Variants in AFF1 observed in about 807,000 individuals in gnomAD.
The protein encoded by AFF1 is ALF transcription elongation factor 1.
In AFF1, 48 loss-of-function variants were observed where a neutral mutation model predicts 121.7. The observed-to-expected ratio is 0.39, with a 90% CI of 0.31 to 0.50. The LOEUF (loss-of-function observed/expected upper bound fraction) is 0.50. Ranked by LOEUF, AFF1 falls within the 20% of genes least tolerant of loss-of-function variation. AFF1 has a pLI of 0.76. For synonymous variants in AFF1, 613 were observed against 563.0 expected (o/e 1.09, Z -1.26); for missense variants, 1,523 against 1,511.7 (o/e 1.01, Z -0.12).
At chr4:87,007,536 T>C (rs2149529923) in intron 2 of AFF1, 1 of 1,403,724 alleles carries the variant, frequency 7.1e-7, no homozygotes, top group East Asian at 2.3e-5. Context: ...AGCTTTGTCA[T>C]TGCCTTCTCA....
At chr4:86,989,142 CTA>C (rs1724512342) in intron 2 of AFF1, among the ~76,000 whole-genome samples, 1 of 152,138 alleles carries the variant, frequency 6.6e-6, no homozygotes, top group African/African-American at 2.4e-5. Flanking sequence ...GACTTCATGA[CTA>C]AAACAACAAA....
chr4:87,074,693 A>C (rs2149685055), intron 4 of AFF1, among the ~76,000 whole-genome samples: 1 of 152,366 alleles, frequency 6.6e-6, no homozygotes, highest in South Asian at 2.1e-4. Context: ...TAAAACATCA[A>C]CACTGAATTG....
chr4:87,028,171 C>A (rs1728716516), intron 2 of AFF1, among the ~76,000 whole-genome samples: 1 of 152,136 alleles, frequency 6.6e-6, no homozygotes, highest in African/African-American at 2.4e-5. Context: ...ATTTTACTTG[C>A]ATTACCATAT....
intron 4 of AFF1, among the ~76,000 whole-genome samples, chr4:87,058,980 C>G (rs1301426294): frequency 6.6e-6 from 1 of 152,178 alleles, no homozygotes; most frequent in African/African-American, 2.4e-5. Context: ...ACCTTAAACA[C>G]TCTCCTCCCC....
chr4:86,955,372 T>TG (rs1218228295), intron 2 of AFF1, among the ~76,000 whole-genome samples: 1 of 152,258 alleles, frequency 6.6e-6, no homozygotes, highest in East Asian at 1.9e-4. Flanking sequence ...GCTTCATCTT[T>TG]GAATAGTGCT....
intron 2 of AFF1, among the ~76,000 whole-genome samples, chr4:87,003,789 A>C (rs1440815913): frequency 6.6e-6 from 1 of 152,228 alleles, no homozygotes; most frequent in Non-Finnish European, 1.5e-5. Context: ...CCACCAAAAA[A>C]TTATTGAGAG....
chr4:86,955,145 T>C (rs1441011324), intron 2 of AFF1, among the ~76,000 whole-genome samples: 7 of 152,194 alleles, frequency 4.6e-5, no homozygotes, highest in Non-Finnish European at 1.0e-4. Flanking sequence ...TTATGATTAT[T>C]TGTGCCCTTG....
At chr4:86,999,442 C>T (rs1022455387) in intron 2 of AFF1, among the ~76,000 whole-genome samples, 2 of 152,190 alleles carry the variant, frequency 1.3e-5, no homozygotes, top group African/African-American at 4.8e-5. Flanking sequence ...AGATATCTCT[C>T]AGCATCTGTT....
At chr4:87,123,006 G>A (rs1473259303) in intron 12 of AFF1, among the ~76,000 whole-genome samples, 1 of 151,516 alleles carries the variant, frequency 6.6e-6, no homozygotes, top group Non-Finnish European at 1.5e-5. Flanking sequence ...GTGATTCTTG[G>A]CCTCAGCTTC....
intron 2 of AFF1, among the ~76,000 whole-genome samples, chr4:86,981,015 T>G (rs1004260985): frequency 6.8e-6 from 1 of 147,758 alleles, no homozygotes; most frequent in Non-Finnish European, 1.5e-5. Context: ...TTTTGTTTGT[T>G]TGTTTGTTTT....
chr4:87,038,944 G>T (rs995773563), intron 2 of AFF1, among the ~76,000 whole-genome samples: 1 of 152,186 alleles, frequency 6.6e-6, no homozygotes, highest in Non-Finnish European at 1.5e-5. Context: ...CCAGTCAAGG[G>T]TGATAAATGG....
At chr4:86,957,769 T>C (rs1578846435) in intron 2 of AFF1, among the ~76,000 whole-genome samples, 1 of 152,248 alleles carries the variant, frequency 6.6e-6, no homozygotes, top group African/African-American at 2.4e-5. Flanking sequence ...CTCAAACTCC[T>C]GACCTCAGGT....
At chr4:87,125,787 T>C (rs1205408761) in intron 13 of AFF1, among the ~76,000 whole-genome samples, 5 of 152,216 alleles carry the variant, frequency 3.3e-5, no homozygotes, top group African/African-American at 9.7e-5. Flanking sequence ...AGGGTGTGTG[T>C]CCACTCGTCT....
At chr4:86,996,735 CAAACA>C (rs1725243090) in intron 2 of AFF1, among the ~76,000 whole-genome samples, 1 of 152,080 alleles carries the variant, frequency 6.6e-6, no homozygotes, top group African/African-American at 2.4e-5. Context: ...AACAAACAAA[CAAACA>C]AAAAAACCCA....
At chr4:87,086,502 A>C (rs538440225) in intron 5 of AFF1, among the ~76,000 whole-genome samples, 12 of 152,324 alleles carry the variant, frequency 7.9e-5, no homozygotes, top group South Asian at 4.1e-4. Flanking sequence ...TGTATAAATC[A>C]TGCCCATTTA....
chr4:87,046,649 G>GT, intron 3 of AFF1, 46 bp from the exon 4 acceptor site: 1 of 1,555,148 alleles, frequency 6.4e-7, no homozygotes, highest in Non-Finnish European at 8.7e-7. Flanking sequence ...TTAAATGGTA[G>GT]TTTTCCTTAG....
intron 2 of AFF1, among the ~76,000 whole-genome samples, chr4:87,018,137 G>C (rs146313519): frequency 3.9e-5 from 6 of 152,140 alleles, no homozygotes; most frequent in Admixed American, 3.9e-4. Context: ...CAATTCACAC[G>C]CATTAAGTGT....
chr4:86,939,956 G>C (rs761290356), intron 1 of AFF1, among the ~76,000 whole-genome samples: 5 of 152,222 alleles, frequency 3.3e-5, no homozygotes, highest in Non-Finnish European at 5.9e-5. Flanking sequence ...GAGTCAGACA[G>C]CTTGGGTTTG....
chr4:87,121,477 T>C (rs1025211124), intron 12 of AFF1, among the ~76,000 whole-genome samples: 2 of 152,202 alleles, frequency 1.3e-5, no homozygotes, highest in African/African-American at 4.8e-5. Flanking sequence ...CCTGAGCTGT[T>C]AAGCTGAATT....
Sources: gnomAD v4.1 joint callset for allele counts (sites outside exome capture counted in the v4.1 genomes callset) on GRCh38, gnomAD v4.1.1 for gene constraint, MANE v1.5 for transcripts, NCBI Gene and HGNC (gene_info 2026-07-23, HGNC 2026-07-21) for gene names.